Variants in CNKSR1 observed in about 807,000 individuals in gnomAD.
CNKSR1 encodes the protein CNK homolog protein 1.
CNKSR1 carries 88 observed loss-of-function variants against 95.6 expected under a neutral mutation model. The observed-to-expected ratio is 0.92, with a 90% CI of 0.78 to 1.10. The LOEUF (loss-of-function observed/expected upper bound fraction) is 1.10, where lower values mean the gene tolerates loss of function less well. CNKSR1 is among the 50% of genes least tolerant of loss of function. The pLI, the probability that CNKSR1 is intolerant of heterozygous loss-of-function variation, is 0.00. For synonymous variants in CNKSR1, 355 were observed against 369.7 expected (o/e 0.96, Z 0.46); for missense variants, 836 against 912.0 (o/e 0.92, Z 1.07).
Position 26,183,730 on chromosome 1 carries a change from T to G in CNKSR1, c.755T>G (p.Val252Gly). Reference protein sequence around the residue: ...EVVQINEQVVVGWPRKNMVRE... With the variant: ...EVVQINEQVVGGWPRKNMVRE... ...CCAGCCAGTGTTTCTGTCCCCCAGG[T>G]GGGATGGCCCCGTAAGAACATGGTG... Residue 252 changes from valine (V) to glycine (G), a missense_variant and splice_region_variant, in exon 9 of 21, where the codon GTG becomes GGG. Physicochemically the swap from Val to Gly is moderately radical, Grantham distance 109. Coordinates refer to ENST00000361530, the MANE Select transcript of CNKSR1 (RefSeq NM_006314.3). 1.2e-6 allele frequency: 2 copies of G among 1,610,198 alleles called. No individual in the cohort carries two copies. Among genetic ancestry groups the G allele is most frequent in the Non-Finnish European group, 1.7e-6 (2 of 1,176,602 alleles).
chr1:26,177,667 G>A, intron 1 of CNKSR1, 68 bp downstream of exon 1: 1 of 1,586,352 alleles, frequency 6.3e-7, no homozygotes. Flanking sequence ...GGAAGCGGGA[G>A]GAGAGGAAAA....
Position 26,183,265 on chromosome 1 carries a change from C to T in CNKSR1, c.684+9C>T. The T allele has an allele frequency of 1.2e-6, 2 of 1,614,160 alleles. No homozygotes were observed. The highest frequency in any genetic ancestry group is 1.7e-6 in the Non-Finnish European group (2 of 1,180,012). ...CCCAAGTGGACACCCAGGTGAGAGC[C>T]CCACACCCTTCTCAGCCGCCCATCC... On this transcript the variant is annotated intron_variant, in intron 7 of 20. Coordinates refer to ENST00000361530, the MANE Select transcript of CNKSR1 (RefSeq NM_006314.3).
At chr1:26,180,995 GT>G in intron 3 of CNKSR1, 99 bp downstream of exon 3, 1 of 1,480,618 alleles carries the variant, frequency 6.8e-7, no homozygotes, top group Non-Finnish European at 9.4e-7. Context: ...TTCAGATATG[GT>G]GAGCCAGGCG....
At position 26,180,479 on chromosome 1, in the gene CNKSR1, C is replaced by T. The variant is rs1208781653; in HGVS notation, c.79C>T (p.Pro27Ser). The change falls in exon 2 of 21, where the codon CCC becomes TCC. Residue 27 changes from proline (P) to serine (S), a missense_variant. By Grantham distance (74) the Pro-to-Ser change is moderately conservative. Transcript: ENST00000361530. ...TCTTGACGACTCCCTGCAGGACTAT[C>T]CCTTTGAGGACTGGCAGCTGCCTGG... Reference protein sequence around the residue: ...RGLDDSLQDYPFEDWQLPGKN... With the variant: ...RGLDDSLQDYSFEDWQLPGKN... The T allele has an allele frequency of 6.2e-7, 1 of 1,614,168 alleles. No homozygotes were observed.
chr1:26,183,488 C>T, intron 8 of CNKSR1, 74 bp downstream of exon 8: 1 of 1,506,448 alleles, frequency 6.6e-7, no homozygotes, highest in Non-Finnish European at 9.2e-7. Context: ...GGTGGGGAGG[C>T]AACCAAGGGT....
In CNKSR1 at chr1:26,188,517, T is replaced by G. The variant is rs998914009; in HGVS notation, c.1590+14T>G. 50 of 1,602,160 alleles carry G rather than the reference T, an allele frequency of 3.1e-5. No homozygotes were observed. The highest frequency in any genetic ancestry group is 5.4e-5 in the African/African-American group (4 of 74,726). ...CACTCAGCCTCGGTGAGTGGGGGGC[T>G]GCCGGGGGTAGGAGGTGGGGATAAA... On this transcript the variant is annotated intron_variant, in intron 18 of 20. Coordinates refer to ENST00000361530, the MANE Select transcript of CNKSR1 (RefSeq NM_006314.3).
In CNKSR1 at chr1:26,183,738, C is replaced by T; in HGVS notation, c.763C>T (p.Pro255Ser). The T allele has an allele frequency of 6.2e-7, 1 of 1,611,998 alleles. No homozygotes were observed. Among genetic ancestry groups the T allele is most frequent in the Non-Finnish European group, 8.5e-7 (1 of 1,178,202 alleles). ...QINEQVVVGW[P>S]RKNMVRELLR... ...TGTTTCTGTCCCCCAGGTGGGATGG[C>T]CCCGTAAGAACATGGTGAGGGAACT... is the stretch of plus-strand genomic sequence containing the variant. The change falls in exon 9 of 21, where the codon CCC becomes TCC. Residue 255 changes from proline (P) to serine (S), a missense_variant. By Grantham distance (74) the Pro-to-Ser change is moderately conservative. Coordinates refer to ENST00000361530, the MANE Select transcript of CNKSR1 (RefSeq NM_006314.3).
At chr1:26,186,914 CTT>C (rs149700663) in intron 14 of CNKSR1, 9,837 of 389,712 alleles carry the variant, frequency 0.025, 179 homozygotes, top group African/African-American at 0.098. Context: ...TCAGGCTCCT[CTT>C]TTTTTTTTTT....
intron 2 of CNKSR1, 44 bp from the exon 3 acceptor site, chr1:26,180,671 G>A (rs1451930234): frequency 1.9e-6 from 3 of 1,613,864 alleles, no homozygotes; most frequent in East Asian, 2.2e-5. Flanking sequence ...GTGATGGGGG[G>A]CTGGCTGCTG....
rs1489817393 is a variant in CNKSR1 at position 26,184,386 on chromosome 1, C to T, written c.1001-15C>T. The stretch of plus-strand genomic sequence containing the variant: ...GGCTCATAGACTTTCCCTCTCTCTC[C>T]TCCCTCCCTGACAGACTCTGCCTCC... On this transcript the variant is annotated splice_polypyrimidine_tract_variant and intron_variant, in intron 11 of 20. Transcript: ENST00000361530. The T allele has an allele frequency of 2.5e-6, 4 of 1,609,896 alleles. No homozygotes were observed. Among genetic ancestry groups the T allele is most frequent in the South Asian group, 2.2e-5 (2 of 90,990 alleles).
chr1:26,187,990 G>A (rs963661719), intron 16 of CNKSR1, among the ~76,000 whole-genome samples: 9 of 151,812 alleles, frequency 5.9e-5, no homozygotes, highest in African/African-American at 2.2e-4. Flanking sequence ...CAAACACTTG[G>A]CCTCAAGCAA....
chr1:26,177,972 A>G (rs1362812971), intron 1 of CNKSR1, among the ~76,000 whole-genome samples: 1 of 145,934 alleles, frequency 6.9e-6, no homozygotes, highest in African/African-American at 2.7e-5. Flanking sequence ...GCTCAAAAGA[A>G]AAAAAAAAAT....
intron 13 of CNKSR1, among the ~76,000 whole-genome samples, 167 bp downstream of exon 13, chr1:26,184,779 GACTAGAGGCTAAC>G (rs2088718259): frequency 6.6e-6 from 1 of 151,834 alleles, no homozygotes; most frequent in Non-Finnish European, 1.5e-5. Context: ...CCTCTCACCA[GACTAGAGGCTAAC>G]CTGTTTGCTG....
intron 16 of CNKSR1, 30 bp from the exon 17 acceptor site, chr1:26,188,204 A>C: frequency 6.2e-7 from 1 of 1,605,442 alleles, no homozygotes; most frequent in South Asian, 1.1e-5. Flanking sequence ...AGTGGATGGA[A>C]ACCCTGTGAG....
chr1:26,177,806 A>G (rs1443929927), intron 1 of CNKSR1, among the ~76,000 whole-genome samples: 3 of 152,146 alleles, frequency 2.0e-5, no homozygotes, highest in African/African-American at 7.2e-5. Context: ...GTCTCTACTA[A>G]AAATACAAAA....
chr1:26,184,350 G>T (rs754282674), intron 11 of CNKSR1, 51 bp from the exon 12 acceptor site: 16 of 1,604,044 alleles, frequency 1.0e-5, no homozygotes, highest in Non-Finnish European at 1.4e-5. Context: ...CTGACCCCAA[G>T]CCTGGGACTG....
Position 26,184,099 on chromosome 1 carries a change from A to G in CNKSR1, c.884A>G (p.His295Arg). The change falls in exon 10 of 21, where the codon CAC (histidine) becomes CGC (arginine). Residue 295 changes from histidine (H) to arginine (R), a missense_variant. By Grantham distance (29) the His-to-Arg change is conservative. Coordinates refer to ENST00000361530, the MANE Select transcript of CNKSR1 (RefSeq NM_006314.3). ...CCCCCTCAGGTCCTGGACTCCCCGC[A>G]CCAGAGGAGCCCATCACTGTCTCTG... is the stretch of plus-strand genomic sequence containing the variant. ...QTPPQVLDSP[H>R]QRSPSLSLAP... 6.2e-7 allele frequency: 1 copy of G among 1,604,548 alleles called. No homozygotes were observed. The highest frequency in any genetic ancestry group is 8.5e-7 in the Non-Finnish European group (1 of 1,177,870).
rs1328025448 is a variant in CNKSR1, at chr1:26,180,570, A to G, written c.170A>G (p.Gln57Arg). 1.9e-6 allele frequency: 3 copies of G among 1,614,098 alleles called. No individual in the cohort carries two copies. Among genetic ancestry groups the G allele is most frequent in the Non-Finnish European group, 2.5e-6 (3 of 1,180,050 alleles). ...CTGGCTGTGCGGTCTCTGGGACACC[A>G]GGAGCTCATCCTGGGCGGGGTGGAA... ...EALAVRSLGHQELILGGVEQL... is the reference protein window; with the variant it reads ...EALAVRSLGHRELILGGVEQL... Residue 57 changes from glutamine to arginine, a missense_variant, in exon 2 of 21, where the codon CAG becomes CGG. Gln to Arg is a conservative substitution (Grantham distance 43, BLOSUM62 1). Coordinates refer to ENST00000361530, the MANE Select transcript of CNKSR1 (RefSeq NM_006314.3).
chr1:26,185,245 C>T, intron 14 of CNKSR1, 59 bp downstream of exon 14: 1 of 1,496,308 alleles, frequency 6.7e-7, no homozygotes, highest in Non-Finnish European at 9.1e-7. Context: ...CCTCGATTCT[C>T]ATCTCTATTC....
Sources: gnomAD v4.1 joint callset for allele counts (sites outside exome capture counted in the v4.1 genomes callset) on GRCh38, gnomAD v4.1.1 for gene constraint, MANE v1.5 for transcripts, NCBI Gene and HGNC (gene_info 2026-07-23, HGNC 2026-07-21) for gene names.